The following PTPN23 variants were observed in gnomAD, a reference collection of about 807,000 sequenced individuals.
The protein encoded by PTPN23 is tyrosine-protein phosphatase non-receptor type 23.
Under a neutral mutation model 156.3 loss-of-function variants are expected in PTPN23, and 72 were observed. The observed-to-expected ratio is 0.46, with a 90% CI of 0.38 to 0.56. The LOEUF (loss-of-function observed/expected upper bound fraction) is 0.56, where lower values mean the gene tolerates loss of function less well. PTPN23 is among the 20% of genes least tolerant of loss of function. PTPN23 has a pLI of 0.00. For synonymous variants in PTPN23, 957 were observed against 899.6 expected (o/e 1.06, Z -1.14); for missense variants, 1,974 against 2,171.5 (o/e 0.91, Z 1.81).
intron 1 of PTPN23, among the ~76,000 whole-genome samples, chr3:47,392,529 CATA>C (rs1308142594): frequency 6.6e-6 from 1 of 151,952 alleles, no homozygotes; most frequent in Non-Finnish European, 1.5e-5. Context: ...TTGTTGTTGT[CATA>C]ATTATTTTTG....
intron 2 of PTPN23, among the ~76,000 whole-genome samples, chr3:47,402,462 T>C (rs1459684941): frequency 3.3e-5 from 5 of 152,116 alleles, no homozygotes; most frequent in Non-Finnish European, 5.9e-5. Context: ...GTGTTTTTAG[T>C]AGATACGGGG....
At chr3:47,404,930 G>A in intron 3 of PTPN23, 75 bp from the exon 4 acceptor site, 1 of 1,596,996 alleles carries the variant, frequency 6.3e-7, no homozygotes, top group Non-Finnish European at 8.6e-7. Context: ...ACAATGGGGT[G>A]TTTAGTCCCC....
rs753575993 is a variant in PTPN23 at position 47,407,484 on chromosome 3, C to T, written c.924-21C>T. The T allele has an allele frequency of 3.1e-6, 5 of 1,612,064 alleles. No homozygotes were observed. The highest frequency in any genetic ancestry group is 3.3e-4 in the Middle Eastern group (2 of 6,062). On this transcript the variant is annotated intron_variant, in intron 11 of 24. Coordinates refer to ENST00000265562, the MANE Select transcript of PTPN23 (RefSeq NM_015466.4). The surrounding 1 kb of genome is among the most constrained non-coding windows in gnomAD (Gnocchi z 4.0). ...CACTGACACCCCGTGACTGCCCACTCCCCCTGCTCCTGATCCCCAGGTACA... is the reference window on the plus strand; with the variant it reads ...CACTGACACCCCGTGACTGCCCACTTCCCCTGCTCCTGATCCCCAGGTACA...
Position 47,411,667 on chromosome 3 carries a change from CTG to C in PTPN23, c.3870_3871del (p.Glu1291GlyfsTer2). 6.2e-7 allele frequency: 1 copy of C among 1,604,146 alleles called. No individual in the cohort carries two copies. On this transcript the variant is annotated frameshift_variant, in exon 20 of 25. Transcript: ENST00000265562. LOFTEE classifies it high-confidence loss of function. This position sits in a 1 kb window ranked among gnomAD's most constrained non-coding sequence, Gnocchi z 6.3. ...GTGTCAGTCATTGTCATGCTGGTTT[CTG>C]AGGCTGAGATGGAGAAGGTGAGAAG...
At chr3:47,394,248 A>G (rs1178415764) in intron 1 of PTPN23, among the ~76,000 whole-genome samples, 3 of 152,108 alleles carry the variant, frequency 2.0e-5, no homozygotes, top group Middle Eastern at 3.2e-3. Flanking sequence ...GGCCCCTACC[A>G]TTCCTTAATG....
chr3:47,398,025 G>C (rs1372143807), intron 2 of PTPN23, among the ~76,000 whole-genome samples: 3 of 152,336 alleles, frequency 2.0e-5, no homozygotes, highest in African/African-American at 7.2e-5. Flanking sequence ...GCCAGGTGCA[G>C]TGGCTCACGC....
chr3:47,405,216 C>A lies in PTPN23; in HGVS notation c.364+135C>A. On this transcript the variant is annotated intron_variant, in intron 4 of 24. Transcript: ENST00000265562. The surrounding 1 kb of genome is among the most constrained non-coding windows in gnomAD (Gnocchi z 4.7). ...GATTCCCGCCCCTCCACTGACCTCC[C>A]CACAGCCCTGCCAGCTCCTCCACTG... 1 of 778,666 alleles carries A rather than the reference C, an allele frequency of 1.3e-6. No homozygotes were observed. The highest frequency in any genetic ancestry group is 2.6e-5 in the East Asian group (1 of 37,924). The allele number at this position is 778,666 out of a possible 1,614,324, so 48.2% of individuals were successfully genotyped here.
At position 47,409,659 on chromosome 3, in the gene PTPN23, A is replaced by G. The variant is rs761808024; in HGVS notation, c.1954A>G (p.Asn652Asp). Residue 652 changes from asparagine (N) to aspartate (D), a missense_variant, in exon 19 of 25, where the codon AAC becomes GAC. Coordinates refer to ENST00000265562, the MANE Select transcript of PTPN23 (RefSeq NM_015466.4). ...GCTGGCCCTTCTGCCCACCAGGTGG[A>G]ACTCCACGCTGCAGACCCTGGTGGC... The part of the protein sequence containing the change: ...RVLSDLDQKW[N>D]STLQTLVASY... 1.2e-6 allele frequency: 2 copies of G among 1,612,392 alleles called. No homozygotes were observed. The highest frequency in any genetic ancestry group is 1.1e-5 in the South Asian group (1 of 91,026).
intron 1 of PTPN23, among the ~76,000 whole-genome samples, chr3:47,382,837 C>G (rs974082548): frequency 1.3e-5 from 2 of 151,638 alleles, no homozygotes; most frequent in Admixed American, 6.6e-5. Flanking sequence ...TACAGGCACC[C>G]GCCACCACCC....
intron 1 of PTPN23, 44 bp from the exon 2 acceptor site, chr3:47,396,099 G>A (rs377520986): frequency 1.2e-5 from 18 of 1,531,760 alleles, no homozygotes; most frequent in South Asian, 5.7e-5. Context: ...AGGGCAAGGC[G>A]GGGGTCTTCT....
At chr3:47,409,884 G>T in intron 19 of PTPN23, 44 bp from the exon 20 acceptor site, 1 of 1,584,808 alleles carries the variant, frequency 6.3e-7, no homozygotes, top group Non-Finnish European at 8.6e-7. Flanking sequence ...GACAGGCTGG[G>T]GTGATGGGAG....
At chr3:47,404,433 GA>G (rs1476332660) in intron 2 of PTPN23, among the ~76,000 whole-genome samples, 2 of 146,400 alleles carry the variant, frequency 1.4e-5, no homozygotes, top group African/African-American at 5.0e-5. Context: ...TTTAAAAAAG[GA>G]AAAACTATGT....
chr3:47,383,688 C>T (rs548487185), intron 1 of PTPN23, among the ~76,000 whole-genome samples: 1 of 152,340 alleles, frequency 6.6e-6, no homozygotes, highest in South Asian at 2.1e-4. Context: ...TTTGTTTGAA[C>T]TTAGCCTTTG....
Position 47,410,440 on chromosome 3 carries a change from C to T in PTPN23, c.2642C>T (p.Thr881Ile). 1 of 1,611,704 alleles carries T rather than the reference C, an allele frequency of 6.2e-7. No homozygotes were observed. Among genetic ancestry groups the T allele is most frequent in the Non-Finnish European group, 8.5e-7 (1 of 1,179,414 alleles). Residue 881 changes from threonine (T) to isoleucine (I), a missense_variant, in exon 20 of 25, where the codon ACC becomes ATC. Thr to Ile is a moderately conservative substitution (Grantham distance 89). This residue lies in a region of PTPN23 where 731 missense variants were observed against 669.1 expected (regional missense o/e 1.09). Coordinates refer to ENST00000265562, the MANE Select transcript of PTPN23 (RefSeq NM_015466.4). ...PELAMAVRPA[T>I]TTVDSIQAPI... ...TTGGCCATGGCGGTTCGGCCAGCCA[C>T]CACCACAGTAGATAGCATCCAGGCG...
At position 47,406,842 on chromosome 3, in the gene PTPN23, T is replaced by G. The variant is rs2107715944; in HGVS notation, c.807+92T>G. 1 of 1,510,106 alleles carries G rather than the reference T, an allele frequency of 6.6e-7. No homozygotes were observed. Among genetic ancestry groups the G allele is most frequent in the Non-Finnish European group, 9.1e-7 (1 of 1,103,880 alleles). The allele number at this position is 1,510,106 out of a possible 1,614,324, so 93.5% of individuals were successfully genotyped here. On this transcript the variant is annotated intron_variant, in intron 9 of 24. Transcript: ENST00000265562. The surrounding 1 kb of genome is among the most constrained non-coding windows in gnomAD (Gnocchi z 5.8). The stretch of plus-strand genomic sequence containing the variant: ...GCTCCTTACACACCAGGGGGTGGCC[T>G]TCTCTGTCTCACCCTGGCCATCACC...
chr3:47,382,172 A>G (rs1704556705), intron 1 of PTPN23, among the ~76,000 whole-genome samples: 1 of 152,188 alleles, frequency 6.6e-6, no homozygotes, highest in Non-Finnish European at 1.5e-5. Context: ...TCTAATCGCC[A>G]TACACCATTG....
In PTPN23 at chr3:47,406,455, C is replaced by T. The variant is rs1559525196; in HGVS notation, c.628-26C>T. 2.5e-6 allele frequency: 4 copies of T among 1,613,952 alleles called. No homozygotes were observed. The South Asian group carries it at 3.3e-5, about 13-fold the overall frequency. ...CTTCACTTTACTGCTGACTCCCCCA[C>T]TCATTGGGCCCCACCCTGTTCTCAG... is the stretch of plus-strand genomic sequence containing the variant. On this transcript the variant is annotated intron_variant, in intron 7 of 24. Transcript: ENST00000265562. The surrounding 1 kb of genome is among the most constrained non-coding windows in gnomAD (Gnocchi z 5.8).
chr3:47,404,607 T>C (rs951543225), intron 2 of PTPN23, 45 bp from the exon 3 acceptor site: 1 of 1,605,100 alleles, frequency 6.2e-7, no homozygotes, highest in Non-Finnish European at 8.5e-7. Context: ...GCGTGTCCAC[T>C]GCCCCATATG....
At chr3:47,385,966 C>T (rs1260373573) in intron 1 of PTPN23, among the ~76,000 whole-genome samples, 8 of 152,186 alleles carry the variant, frequency 5.3e-5, no homozygotes, top group African/African-American at 1.4e-4. Context: ...CACATCTGGT[C>T]ACTGCCCTTG....
Sources: gnomAD v4.1 joint callset for allele counts (sites outside exome capture counted in the v4.1 genomes callset) on GRCh38, gnomAD v4.1.1 for gene constraint, gnomAD v4.1.1 regional missense constraint, Gnocchi (gnomAD v3.1) non-coding constraint, MANE v1.5 for transcripts, NCBI Gene and HGNC (gene_info 2026-07-23, HGNC 2026-07-21) for gene names.